The following ARHGAP10 variants were observed in gnomAD, a reference collection of about 807,000 sequenced individuals.
The protein encoded by ARHGAP10 is rho GTPase-activating protein 10.
Under a neutral mutation model 108.6 loss-of-function variants are expected in ARHGAP10, and 87 were observed. The observed-to-expected ratio is 0.80, with a 90% CI of 0.67 to 0.96. ARHGAP10 has a LOEUF of 0.96. Among genes scored for constraint, ARHGAP10 ranks in the 40% least tolerant of loss-of-function variants. The pLI, the probability that ARHGAP10 is intolerant of heterozygous loss-of-function variation, is 0.00. For synonymous variants in ARHGAP10, 347 were observed against 341.1 expected (o/e 1.02, Z -0.19); for missense variants, 939 against 954.5 (o/e 0.98, Z 0.21).
At chr4:147,864,984 G>A (rs1454099891) in intron 6 of ARHGAP10, 28 bp downstream of exon 6, 1 of 1,572,302 alleles carries the variant, frequency 6.4e-7, no homozygotes, top group Non-Finnish European at 8.7e-7. Context: ...GTTTGCTGGT[G>A]GATTTTTGCA....
intron 1 of ARHGAP10, among the ~76,000 whole-genome samples, chr4:147,773,441 A>G (rs1730155796): frequency 6.6e-6 from 1 of 152,166 alleles, no homozygotes; most frequent in Admixed American, 6.5e-5. Flanking sequence ...GGGGCCATGG[A>G]AGGCTCTGTG....
chr4:147,932,392 A>C lies in ARHGAP10; in HGVS notation c.1229-7433A>C, dbSNP rs559474279. Among the ~76,000 whole-genome samples, 15 of 152,336 alleles carry C rather than the reference A, an allele frequency of 9.8e-5. No individual in the cohort carries two copies. In the South Asian group the frequency reaches 3.1e-3, roughly 32 times the overall value. ...ACTTTTCACAATTGCAAAGACATGG[A>C]ATCAACCCAAATGCCCATCAATGAT... On this transcript the variant is annotated intron_variant, in intron 13 of 22. Coordinates refer to ENST00000336498, the MANE Select transcript of ARHGAP10 (RefSeq NM_024605.4).
At position 147,777,856 on chromosome 4, in the gene ARHGAP10, T is replaced by C. The variant is rs574809383; in HGVS notation, c.155-44871T>C. On this transcript the variant is annotated intron_variant, in intron 1 of 22. Coordinates refer to ENST00000336498, the MANE Select transcript of ARHGAP10 (RefSeq NM_024605.4). Reference sequence around the variant, plus strand: ...TTATTGTGCCATCAATTTTGTGTTTTTAATAATCCAAGTTTCTAAAGACAC... The same window carrying C: ...TTATTGTGCCATCAATTTTGTGTTTCTAATAATCCAAGTTTCTAAAGACAC... Among the ~76,000 whole-genome samples, 20 of 152,156 alleles carry C rather than the reference T, an allele frequency of 1.3e-4. No homozygotes were observed. In the East Asian group the frequency reaches 3.7e-3, roughly 28 times the overall value.
At chr4:147,766,969 C>G (rs564712724) in intron 1 of ARHGAP10, among the ~76,000 whole-genome samples, 1 of 151,660 alleles carries the variant, frequency 6.6e-6, no homozygotes, top group South Asian at 2.1e-4. Context: ...CTGCCTCAGC[C>G]TCCAAAGTAG....
intron 18 of ARHGAP10, among the ~76,000 whole-genome samples, chr4:147,974,762 A>G (rs1230925110): frequency 6.6e-6 from 1 of 152,176 alleles, no homozygotes; most frequent in Non-Finnish European, 1.5e-5. Context: ...AAATTTACAA[A>G]TGAAAGAGGT....
chr4:147,755,416 G>A (rs1386739271), intron 1 of ARHGAP10, among the ~76,000 whole-genome samples: 3 of 152,072 alleles, frequency 2.0e-5, no homozygotes, highest in Admixed American at 6.6e-5. Context: ...CTAGCTACTC[G>A]GGAGGCTGAG....
At chr4:148,033,047 A>G (rs1035079576) in intron 19 of ARHGAP10, among the ~76,000 whole-genome samples, 10 of 152,216 alleles carry the variant, frequency 6.6e-5, no homozygotes, top group Admixed American at 6.5e-4. Context: ...AACACTCAAT[A>G]TTAACCACCA....
intron 1 of ARHGAP10, among the ~76,000 whole-genome samples, chr4:147,760,361 G>A (rs1729541860): frequency 6.6e-6 from 1 of 152,214 alleles, no homozygotes; most frequent in Admixed American, 6.5e-5. Flanking sequence ...TATCTAGAGA[G>A]CTTAACCAGC....
rs144731909 is a variant in ARHGAP10 at position 148,063,154 on chromosome 4, C to T, written c.2034C>T (p.Gly678=). The change falls in exon 21 of 23, where the codon GGC becomes GGT. Residue 678 remains glycine, a synonymous_variant. Transcript: ENST00000336498. ...TTCAAACTCCTACCCTTAGCCCAGG[C>T]CAGACCCGATCGTCTATGGTCCAGT... ...SFGDWASTIP[G]QTRSSMVQWL... The T allele has an allele frequency of 3.0e-3, 4,805 of 1,614,152 alleles. 7 individuals are homozygous for T. The highest frequency in any genetic ancestry group is 3.8e-3 in the Non-Finnish European group (4,481 of 1,180,020).
intron 10 of ARHGAP10, among the ~76,000 whole-genome samples, chr4:147,901,187 G>T (rs1476845778): frequency 6.6e-6 from 1 of 152,144 alleles, no homozygotes; most frequent in Non-Finnish European, 1.5e-5. Flanking sequence ...TTGATTATTA[G>T]AAAAGAAAAA....
At chr4:147,857,699 C>T in intron 5 of ARHGAP10, 45 bp downstream of exon 5, 1 of 1,348,908 alleles carries the variant, frequency 7.4e-7, no homozygotes, top group Non-Finnish European at 9.7e-7. Context: ...ATTTGATAAG[C>T]AATACATGTC....
At chr4:148,041,896 C>G (rs983309928) in intron 19 of ARHGAP10, among the ~76,000 whole-genome samples, 1 of 152,184 alleles carries the variant, frequency 6.6e-6, no homozygotes, top group South Asian at 2.1e-4. Context: ...CTCTCTTGGC[C>G]GGGAGATCCC....
At chr4:147,953,183 T>C (rs1409067771) in intron 15 of ARHGAP10, among the ~76,000 whole-genome samples, 2 of 152,040 alleles carry the variant, frequency 1.3e-5, no homozygotes, top group African/African-American at 2.4e-5. Context: ...TTATTTAGAA[T>C]AGTTGCATCT....
At chr4:147,895,262 A>G (rs1735944627) in intron 10 of ARHGAP10, among the ~76,000 whole-genome samples, 1 of 152,094 alleles carries the variant, frequency 6.6e-6, no homozygotes, top group African/African-American at 2.4e-5. Flanking sequence ...CACTATTAGC[A>G]TGTAGAAACA....
At chr4:147,773,405 C>G (rs1730154177) in intron 1 of ARHGAP10, among the ~76,000 whole-genome samples, 1 of 152,104 alleles carries the variant, frequency 6.6e-6, no homozygotes, top group Non-Finnish European at 1.5e-5. Flanking sequence ...ATAAACATCC[C>G]TTGGAATGTT....
intron 1 of ARHGAP10, among the ~76,000 whole-genome samples, chr4:147,808,685 A>G (rs747214204): frequency 8.5e-5 from 13 of 152,126 alleles, no homozygotes; most frequent in Admixed American, 2.6e-4. Context: ...GGAATCAAGC[A>G]TGATTTGTCA....
At chr4:148,065,944 G>A (rs1170804361) in intron 22 of ARHGAP10, among the ~76,000 whole-genome samples, 2 of 129,562 alleles carry the variant, frequency 1.5e-5, no homozygotes, top group African/African-American at 2.9e-5. Context: ...CCAGGAGTTC[G>A]AGGCCAGCCT....
intron 10 of ARHGAP10, 91 bp from the exon 11 acceptor site, chr4:147,906,547 A>T: frequency 9.3e-7 from 1 of 1,075,428 alleles, no homozygotes; most frequent in South Asian, 1.6e-5. Flanking sequence ...AGATAAAAGT[A>T]AAAAAAAAAT....
At chr4:147,762,649 C>T (rs994796424) in intron 1 of ARHGAP10, among the ~76,000 whole-genome samples, 6 of 151,906 alleles carry the variant, frequency 3.9e-5, no homozygotes, top group African/African-American at 1.5e-4. Flanking sequence ...CCTGCCTCAG[C>T]CTCCCAAGTA....
Sources: allele counts gnomAD v4.1 joint callset (sites outside exome capture counted in the v4.1 genomes callset), GRCh38; gene constraint gnomAD v4.1.1; transcripts MANE v1.5; gene names NCBI Gene and HGNC (gene_info 2026-07-23, HGNC 2026-07-21).